Variants in SGSM3 observed in about 807,000 individuals in gnomAD.
SGSM3 encodes the protein RUN and SH3 containing 3.
A neutral mutation model predicts 100.5 loss-of-function variants in SGSM3; 96 were observed. That is an observed-to-expected ratio of 0.96 (90% confidence interval 0.81 to 1.13). The LOEUF is 1.13. SGSM3 is among the 50% of genes most tolerant of loss of function. The pLI is 0.00. For missense variants in SGSM3, 1,001 were observed against 1,015.8 expected (o/e 0.99, Z 0.20); for synonymous variants, 483 against 422.8 (o/e 1.14, Z -1.75).
intron 1 of SGSM3, among the ~76,000 whole-genome samples, chr22:40,394,380 G>A (rs991507717): frequency 6.6e-6 from 1 of 152,172 alleles, no homozygotes; most frequent in African/African-American, 2.4e-5. Context: ...AGGCATGATG[G>A]CTCACGCCTA....
chr22:40,409,461 C>A lies in SGSM3; in HGVS notation c.2112-4C>A. 2 of 1,579,308 alleles carry A rather than the reference C, an allele frequency of 1.3e-6. No individual in the cohort carries two copies. Among genetic ancestry groups the A allele is most frequent in the South Asian group, 2.3e-5 (2 of 87,448 alleles). Reference sequence around the variant, plus strand: ...GAGCCTTACCACCCCTTCCTCACCTCTAGAGTCCTCTGCTGCTTTGCCTTC... The same window carrying A: ...GAGCCTTACCACCCCTTCCTCACCTATAGAGTCCTCTGCTGCTTTGCCTTC... On this transcript the variant is annotated splice_region_variant and splice_polypyrimidine_tract_variant and intron_variant, in intron 20 of 21. Transcript: ENST00000248929.
At chr22:40,377,024 G>A (rs562577043) in intron 1 of SGSM3, among the ~76,000 whole-genome samples, 61 of 152,282 alleles carry the variant, frequency 4.0e-4, no homozygotes, top group African/African-American at 1.4e-3. Flanking sequence ...TGCAGCATGT[G>A]TGCAGACAGT....
intron 1 of SGSM3, 54 bp from the exon 2 acceptor site, chr22:40,400,642 T>A: frequency 1.5e-6 from 1 of 682,530 alleles, no homozygotes; most frequent in Non-Finnish European, 2.4e-6. Flanking sequence ...AGACTCTGTC[T>A]AAAAAAAAAT....
chr22:40,405,838 G>A lies in SGSM3; in HGVS notation c.808G>A (p.Asp270Asn). The A allele has an allele frequency of 6.2e-7, 1 of 1,609,244 alleles. No individual in the cohort carries two copies. The highest frequency in any genetic ancestry group is 8.5e-7 in the Non-Finnish European group (1 of 1,177,010). Residue 270 changes from aspartate (D) to asparagine (N), a missense_variant, in exon 8 of 22, where the codon GAC becomes AAC. Transcript: ENST00000248929. ...PRLDKLLQEH[D>N]IELSLITLHW... Reference sequence around the variant, plus strand: ...CCTGGACAAGCTGCTCCAGGAGCATGACATTGGTAAGGCGCCCCTGAGCCA... The same window carrying A: ...CCTGGACAAGCTGCTCCAGGAGCATAACATTGGTAAGGCGCCCCTGAGCCA...
At chr22:40,386,719 G>C (rs2048522815) in intron 1 of SGSM3, among the ~76,000 whole-genome samples, 1 of 151,510 alleles carries the variant, frequency 6.6e-6, no homozygotes, top group Non-Finnish European at 1.5e-5. Flanking sequence ...AGTGTGCCTG[G>C]CCCCTAGTTT....
intron 1 of SGSM3, among the ~76,000 whole-genome samples, chr22:40,384,681 A>G (rs966470725): frequency 2.0e-5 from 3 of 152,134 alleles, no homozygotes; most frequent in South Asian, 4.2e-4. Flanking sequence ...TCAGGAGGCT[A>G]AGGCGGGAGA....
At chr22:40,374,893 A>G (rs918362236) in intron 1 of SGSM3, among the ~76,000 whole-genome samples, 2 of 152,188 alleles carry the variant, frequency 1.3e-5, no homozygotes, top group Admixed American at 6.5e-5. Flanking sequence ...TCAAACAAAC[A>G]CATTGTACCA....
chr22:40,401,641 T>A lies in SGSM3; in HGVS notation c.56T>A (p.Ile19Lys). 6.2e-7 allele frequency: 1 copy of A among 1,613,362 alleles called. No individual in the cohort carries two copies. The highest frequency in any genetic ancestry group is 8.5e-7 in the Non-Finnish European group (1 of 1,179,484). The change falls in exon 3 of 22, where the codon ATA becomes AAA. Residue 19 changes from isoleucine (I) to lysine (K), a missense_variant. Physicochemically the swap from Ile to Lys is moderately radical, Grantham distance 102. Transcript: ENST00000248929. ...CGPFSALTPS[I>K]WPQEILAKYT... is the part of the protein sequence containing the mutation. ...CCTTTCTCAGCCCTGACTCCGAGCA[T>A]ATGGCCCCAGGAGATCTTGGCCAAG... is the stretch of plus-strand genomic sequence containing the variant.
intron 10 of SGSM3, 107 bp from the exon 11 acceptor site, chr22:40,406,910 G>T: frequency 1.7e-6 from 2 of 1,168,726 alleles, no homozygotes; most frequent in Non-Finnish European, 2.5e-6. Context: ...TTCAATTCTT[G>T]GAGCCAGCGT....
chr22:40,410,192 GCACTGCGTGGCCCCT>G lies in SGSM3; in HGVS notation c.*436_*450del, dbSNP rs1164561269. ...TGCCCTTCCTTGAGTGGTCTAGAAG[GCACTGCGTGGCCCCT>G]CAGATGCTGGGACACAACAGACCCG... is the stretch of plus-strand genomic sequence containing the variant. On this transcript the variant is annotated 3_prime_UTR_variant, in exon 22 of 22. Coordinates refer to ENST00000248929, the MANE Select transcript of SGSM3 (RefSeq NM_015705.6). The G allele has an allele frequency of 9.4e-7, 1 of 1,066,734 alleles. No individual in the cohort carries two copies. The highest frequency in any genetic ancestry group is 5.4e-5 in the East Asian group (1 of 18,594). The allele number at this position is 1,066,734 out of a possible 1,614,324, so 66.1% of individuals were successfully genotyped here. A position where few individuals can be genotyped will look rare whatever the true frequency, so the allele number is the denominator to read the frequency against.
At position 40,401,634 on chromosome 22, in the gene SGSM3, C is replaced by G. The variant is rs2050770251; in HGVS notation, c.49C>G (p.Pro17Ala). 1 of 1,613,420 alleles carries G rather than the reference C, an allele frequency of 6.2e-7. No homozygotes were observed. The highest frequency in any genetic ancestry group is 8.5e-7 in the Non-Finnish European group (1 of 1,179,614). Residue 17 changes from proline to alanine, a missense_variant, in exon 3 of 22, where the codon CCG becomes GCG. Transcript: ENST00000248929. Reference sequence around the variant, plus strand: ...CTGTGGCCCTTTCTCAGCCCTGACTCCGAGCATATGGCCCCAGGAGATCTT... The same window carrying G: ...CTGTGGCCCTTTCTCAGCCCTGACTGCGAGCATATGGCCCCAGGAGATCTT... ...PACGPFSALT[P>A]SIWPQEILAK...
chr22:40,405,771 C>A lies in SGSM3; in HGVS notation c.741C>A (p.Asp247Glu). 6.2e-7 allele frequency: 1 copy of A among 1,613,726 alleles called. No homozygotes were observed. Among genetic ancestry groups the A allele is most frequent in the Non-Finnish European group, 8.5e-7 (1 of 1,179,968 alleles). ...FSTTLLGVQT[D>E]QRVLRHLIVQ... ...CCACCCTGCTGGGTGTCCAGACTGA[C>A]CAGCGGGTCCTGCGCCACCTCATTG... Residue 247 changes from aspartate to glutamate, a missense_variant, in exon 8 of 22, where the codon GAC (aspartate) becomes GAA (glutamate). Transcript: ENST00000248929.
Position 40,408,267 on chromosome 22 carries a change from C to G in SGSM3, c.1630-10C>G, listed in dbSNP as rs780596528. ...AGGCAGGGCTTTCTCAGACCCATCC[C>G]TCCCATCAGTACTCCATCGCGGGGG... is the stretch of plus-strand genomic sequence containing the variant. On this transcript the variant is annotated splice_polypyrimidine_tract_variant and intron_variant, in intron 15 of 21. Coordinates refer to ENST00000248929, the MANE Select transcript of SGSM3 (RefSeq NM_015705.6). The G allele has an allele frequency of 6.2e-7, 1 of 1,613,014 alleles. No homozygotes were observed. Among genetic ancestry groups the G allele is most frequent in the Non-Finnish European group, 8.5e-7 (1 of 1,179,672 alleles).
Position 40,404,431 on chromosome 22 carries a change from C to T in SGSM3, c.342C>T (p.Gly114=). 2 of 1,604,656 alleles carry T rather than the reference C, an allele frequency of 1.2e-6. No individual in the cohort carries two copies. Among genetic ancestry groups the T allele is most frequent in the African/African-American group, 2.7e-5 (2 of 74,904 alleles). ...SEKLRSLVLA[G]IPHGMRPQLW... is the part of the protein sequence containing the mutation. ...AGCTCCGCTCCCTGGTGCTGGCCGG[C>T]ATCCCACATGGCATGAGGCCACAGG... The change falls in exon 5 of 22, where the codon GGC becomes GGT. Residue 114 remains glycine, a synonymous_variant. Transcript: ENST00000248929.
Position 40,409,456 on chromosome 22 carries a change from C to G in SGSM3, c.2112-9C>G. 1 of 1,570,634 alleles carries G rather than the reference C, an allele frequency of 6.4e-7. No homozygotes were observed. Among genetic ancestry groups the G allele is most frequent in the South Asian group, 1.2e-5 (1 of 86,674 alleles). Reference sequence around the variant, plus strand: ...GACAAGAGCCTTACCACCCCTTCCTCACCTCTAGAGTCCTCTGCTGCTTTG... The same window carrying G: ...GACAAGAGCCTTACCACCCCTTCCTGACCTCTAGAGTCCTCTGCTGCTTTG... On this transcript the variant is annotated splice_polypyrimidine_tract_variant and intron_variant, in intron 20 of 21. Transcript: ENST00000248929.
At chr22:40,405,052 T>C (rs2051275917) in intron 6 of SGSM3, 89 bp from the exon 7 acceptor site, 6 of 1,426,192 alleles carry the variant, frequency 4.2e-6, no homozygotes, top group Middle Eastern at 1.9e-4. Flanking sequence ...GGAATCCCCA[T>C]TTCTGGGGGA....
intron 4 of SGSM3, among the ~76,000 whole-genome samples, chr22:40,402,429 T>C (rs929037013): frequency 1.3e-5 from 2 of 152,192 alleles, no homozygotes; most frequent in African/African-American, 4.8e-5. Flanking sequence ...AAAGCAATCG[T>C]GTTCACTGTA....
At chr22:40,404,535 C>G (rs774540051) in intron 5 of SGSM3, 22 bp from the exon 6 acceptor site, 2 of 1,611,544 alleles carry the variant, frequency 1.2e-6, no homozygotes, top group Non-Finnish European at 1.7e-6. Flanking sequence ...GACTGAGTGC[C>G]CTTGCGGCTC....
intron 1 of SGSM3, among the ~76,000 whole-genome samples, chr22:40,393,907 A>G (rs2049706956): frequency 6.6e-6 from 1 of 152,180 alleles, no homozygotes; most frequent in Admixed American, 6.5e-5. Flanking sequence ...CAACACCTGA[A>G]TTTTGGAGGG....
Sources: gnomAD v4.1 joint callset for allele counts (sites outside exome capture counted in the v4.1 genomes callset) on GRCh38, gnomAD v4.1.1 for gene constraint, MANE v1.5 for transcripts, NCBI Gene and HGNC (gene_info 2026-07-23, HGNC 2026-07-21) for gene names.